Variants in FANCB observed in about 807,000 individuals in gnomAD.
FANCB encodes FA complementation group B.
Under a neutral mutation model 38.9 loss-of-function variants are expected in FANCB, and 5 were observed. The ratio of observed to expected loss-of-function variants is 0.13; its 90% CI spans 0.07 to 0.27. The LOEUF (loss-of-function observed/expected upper bound fraction) is 0.27. Among genes scored for constraint, FANCB ranks in the 10% least tolerant of loss-of-function variants. FANCB has a pLI of 1.00. For synonymous variants in FANCB, 236 were observed against 215.4 expected (o/e 1.10, Z -0.84); for missense variants, 573 against 602.7 (o/e 0.95, Z 0.52).
Position 14,844,909 on chromosome X carries a change from T to A in FANCB, c.1874A>T (p.Glu625Val). ...TAGGTACTTCCCAGTTGAAAGATCTTCTAGACTTAAAAAAACTCTGCCACA... is the reference window on the plus strand; with the variant it reads ...TAGGTACTTCCCAGTTGAAAGATCTACTAGACTTAAAAAAACTCTGCCACA... Reference protein sequence around the residue: ...VVCGRVFLSLEDLSTGKYLLT... With the variant: ...VVCGRVFLSLVDLSTGKYLLT... The change falls in exon 8 of 10, where the codon GAA (glutamate) becomes GTA (valine). Residue 625 changes from glutamate to valine, a missense_variant. Transcript: ENST00000650831. The A allele has an allele frequency of 8.3e-7, 1 of 1,200,385 alleles. No homozygotes were observed. The highest frequency in any genetic ancestry group is 1.1e-6 in the Non-Finnish European group (1 of 891,503).
Position 14,865,010 on chromosome X carries a change from A to G in FANCB, c.501T>C (p.Phe167=), listed in dbSNP as rs2092463050. Residue 167 remains phenylalanine, a synonymous_variant, in exon 3 of 10, where the codon TTT becomes TTC. Transcript: ENST00000650831. ...TCTCCCCTGCCCACTGAATAGAGGA[A>G]AAGTTACCTGACACACTAACAACTT... ...TGKVVSVSGN[F]SSIQWAGEIE... The G allele has an allele frequency of 2.5e-6, 3 of 1,211,213 alleles. No individual in the cohort carries two copies. Among genetic ancestry groups the G allele is most frequent in the Non-Finnish European group, 2.2e-6 (2 of 895,013 alleles).
the FANCB span, among the ~76,000 whole-genome samples, chrX:14,759,109 G>A: frequency 8.9e-6 from 1 of 111,750 alleles, no homozygotes; most frequent in Non-Finnish European, 1.9e-5. Context: ...CAAACAAGTA[G>A]AAGAAATAAC....
the FANCB span, among the ~76,000 whole-genome samples, chrX:14,737,575 CTT>C: frequency 8.9e-6 from 1 of 112,020 alleles, no homozygotes; most frequent in East Asian, 2.8e-4. Context: ...AATTACCTGA[CTT>C]TTCTGAATAG....
At chrX:14,817,642 G>A in the FANCB span, among the ~76,000 whole-genome samples, 1 of 111,517 alleles carries the variant, frequency 9.0e-6, no homozygotes, top group East Asian at 2.8e-4. Flanking sequence ...CATTGTCAGC[G>A]CATAATAACT....
At chrX:14,701,235 C>T in the FANCB span, among the ~76,000 whole-genome samples, 6 of 110,879 alleles carry the variant, frequency 5.4e-5, no homozygotes, top group Non-Finnish European at 9.4e-5. Flanking sequence ...TAGGGTCCAT[C>T]GGACGTAGGG....
the FANCB span, among the ~76,000 whole-genome samples, chrX:14,776,228 T>A: frequency 2.7e-5 from 3 of 111,746 alleles, no homozygotes; most frequent in African/African-American, 9.8e-5. Flanking sequence ...GGGTGTGGTA[T>A]TTTTTCAGAG....
the FANCB span, among the ~76,000 whole-genome samples, chrX:14,714,846 T>C: frequency 1.8e-5 from 2 of 112,114 alleles, no homozygotes; most frequent in Admixed American, 1.9e-4. Context: ...TAAAAACGGA[T>C]GTTTGGTAAT....
At chrX:14,714,568 A>G in the FANCB span, among the ~76,000 whole-genome samples, 239 of 111,846 alleles carry the variant, frequency 2.1e-3, no homozygotes, top group African/African-American at 7.7e-3. Flanking sequence ...ATCAGTTCCA[A>G]GATTTCTGCT....
the FANCB span, among the ~76,000 whole-genome samples, chrX:14,695,062 G>A: frequency 5.4e-5 from 6 of 111,286 alleles, no homozygotes; most frequent in Non-Finnish European, 1.9e-5. Flanking sequence ...TCAAGAAAGG[G>A]ATAAAATCTG....
chrX:14,754,509 T>C, the FANCB span, among the ~76,000 whole-genome samples: 2 of 111,592 alleles, frequency 1.8e-5, no homozygotes, highest in African/African-American at 3.3e-5. Context: ...CTCACAGAAA[T>C]GTATATATGT....
chrX:14,724,650 A>AAAAAAAAAAAAAAAAAAG, the FANCB span, among the ~76,000 whole-genome samples: 1 of 102,814 alleles, frequency 9.7e-6, no homozygotes, highest in African/African-American at 3.6e-5. Flanking sequence ...AAAAAAAAAA[A>AAAAAAAAAAAAAAAAAAG]AACAAGAAGA....
At chrX:14,828,186 G>A in the FANCB span, among the ~76,000 whole-genome samples, 4 of 111,889 alleles carry the variant, frequency 3.6e-5, no homozygotes, top group East Asian at 2.8e-4. Flanking sequence ...GGATCTTTCC[G>A]TGATGTTGAT....
chrX:14,845,042 C>T lies in FANCB; in HGVS notation c.1741G>A (p.Val581Ile). 8.3e-7 allele frequency: 1 copy of T among 1,208,920 alleles called. No homozygotes were observed. Among genetic ancestry groups the T allele is most frequent in the Non-Finnish European group, 1.1e-6 (1 of 892,936 alleles). Residue 581 changes from valine to isoleucine, a missense_variant, in exon 8 of 10, where the codon GTA (valine) becomes ATA (isoleucine). Physicochemically the swap from Val to Ile is conservative, Grantham distance 29. Transcript: ENST00000650831. Reference protein sequence around the residue: ...KKECVQIITAVTSLSPLLTFS... With the variant: ...KKECVQIITAITSLSPLLTFS... ...GTTAAAAGTGGTGAAAGAGATGTTA[C>T]AGCAGTAATTATCTGTACACACTCT... is the stretch of plus-strand genomic sequence containing the variant.
At chrX:14,747,372 G>A in the FANCB span, among the ~76,000 whole-genome samples, 1 of 112,016 alleles carries the variant, frequency 8.9e-6, no homozygotes, top group Non-Finnish European at 1.9e-5. Context: ...CAACAAAATT[G>A]ACACAGGTAT....
At chrX:14,779,319 T>C in the FANCB span, among the ~76,000 whole-genome samples, 1 of 111,718 alleles carries the variant, frequency 9.0e-6, no homozygotes, top group African/African-American at 3.3e-5. Context: ...GCCAGGGAGG[T>C]TGGAGTGCTT....
chrX:14,801,779 T>C, the FANCB span, among the ~76,000 whole-genome samples: 2 of 110,528 alleles, frequency 1.8e-5, no homozygotes, highest in African/African-American at 3.3e-5. Context: ...TGGCCCCTTA[T>C]ACAGTTCATG....
At chrX:14,730,180 GTGC>G in the FANCB span, 26 of 1,151,809 alleles carry the variant, frequency 2.3e-5, no homozygotes, top group Non-Finnish European at 2.6e-5. Context: ...CAACCAATCT[GTGC>G]TTCCTCTGTC....
Position 14,853,059 on chromosome X carries a change from T to C in FANCB, c.1306A>G (p.Asn436Asp). Residue 436 changes from asparagine (N) to aspartate (D), a missense_variant, in exon 6 of 10, where the codon AAT becomes GAT. Asn to Asp is a conservative substitution (Grantham distance 23). Coordinates refer to ENST00000650831, the MANE Select transcript of FANCB (RefSeq NM_001018113.3). ...TTTACCTCCTCTGCACTTGACGTATTATCATCTTTTCCTTGAACTAGGTTT... is the reference window on the plus strand; with the variant it reads ...TTTACCTCCTCTGCACTTGACGTATCATCATCTTTTCCTTGAACTAGGTTT... ...LINLVQGKDD[N>D]TSSAEEKECL... 1.7e-6 allele frequency: 2 copies of C among 1,202,717 alleles called. No homozygotes were observed. Among genetic ancestry groups the C allele is most frequent in the Non-Finnish European group, 2.3e-6 (2 of 887,854 alleles).
chrX:14,849,719 G>T (rs985920379), intron 7 of FANCB, among the ~76,000 whole-genome samples: 39 of 111,963 alleles, frequency 3.5e-4, no homozygotes, highest in African/African-American at 1.2e-3. Context: ...TAAATATTTT[G>T]ATTAGAAAGT....
Sources: gnomAD v4.1 joint callset for allele counts (sites outside exome capture counted in the v4.1 genomes callset) on GRCh38, gnomAD v4.1.1 for gene constraint, MANE v1.5 for transcripts, NCBI Gene and HGNC (gene_info 2026-07-23, HGNC 2026-07-21) for gene names.